The following SYN1 variants were observed in gnomAD, a reference collection of about 807,000 sequenced individuals.
The protein encoded by SYN1 is synapsin I, also known as synapsin-1.
A neutral mutation model predicts 44.6 loss-of-function variants in SYN1; 8 were observed. The observed-to-expected ratio is 0.18, with a 90% CI of 0.11 to 0.32. The LOEUF (loss-of-function observed/expected upper bound fraction) is 0.32. Ranked by LOEUF, SYN1 falls within the 10% of genes least tolerant of loss-of-function variation. The pLI is 1.00. For synonymous variants in SYN1, 275 were observed against 280.1 expected, an observed-to-expected ratio of 0.98 and a Z score of 0.18; for missense variants, 451 against 639.4, an observed-to-expected ratio of 0.71 and a Z score of 3.18.
At chrX:47,599,593 T>C (rs1406055244) in intron 5 of SYN1, among the ~76,000 whole-genome samples, 1 of 112,860 alleles carries the variant, frequency 8.9e-6, no homozygotes, top group Non-Finnish European at 1.9e-5. Context: ...ATTACTATAT[T>C]TTGTAAGTGG....
rs1198865215 is a variant in SYN1 at position 47,572,109 on chromosome X, C to T, written c.*755G>A. 7.8e-6 allele frequency: 1 copy of T among 128,325 alleles called. No individual in the cohort carries two copies. Among genetic ancestry groups the T allele is most frequent in the Non-Finnish European group, 1.6e-5 (1 of 62,896 alleles). 10.6% of individuals were successfully genotyped at this position (128,325 alleles called of 1,213,427 possible). On this transcript the variant is annotated 3_prime_UTR_variant, in exon 13 of 13. Transcript: ENST00000295987. ...GCACAAAAGGAGGCCACGTCAGTCA[C>T]AGACACAGACACCACAGCAAAGGTG... is the stretch of plus-strand genomic sequence containing the variant.
chrX:47,597,203 C>T (rs1409371533), intron 5 of SYN1, among the ~76,000 whole-genome samples: 5 of 109,842 alleles, frequency 4.6e-5, no homozygotes, highest in Admixed American at 1.9e-4. Flanking sequence ...GGCATGGTGG[C>T]GTGTGCCTGT....
intron 12 of SYN1, 115 bp from the exon 13 acceptor site, chrX:47,573,114 G>T: frequency 1.0e-6 from 1 of 999,920 alleles, no homozygotes; most frequent in Non-Finnish European, 1.4e-6. Context: ...CTGATCCTGG[G>T]GCTGTGCCTG....
intron 3 of SYN1, among the ~76,000 whole-genome samples, 194 bp downstream of exon 3, chrX:47,606,751 A>ATATAT (rs1345170011): frequency 2.1e-5 from 2 of 93,244 alleles, no homozygotes; most frequent in African/African-American, 8.0e-5. Flanking sequence ...ATATATATAT[A>ATATAT]TTTTTTTTTA....
At chrX:47,591,762 T>C (rs1420728944) in intron 5 of SYN1, among the ~76,000 whole-genome samples, 2 of 109,329 alleles carry the variant, frequency 1.8e-5, no homozygotes, top group African/African-American at 6.7e-5. Context: ...AGAGGTGGCA[T>C]ACAAGCTCAG....
At chrX:47,608,886 G>GACAC (rs34092010) in intron 1 of SYN1, among the ~76,000 whole-genome samples, 22,064 of 89,171 alleles carry the variant, frequency 0.25, 2,559 homozygotes, top group Non-Finnish European at 0.3. Context: ...GTCTTGGACA[G>GACAC]ACACACACAC....
chrX:47,579,849 G>GCCCCCCCCCCCCCCCCCCCCCCCCC (rs140381513), intron 5 of SYN1, among the ~76,000 whole-genome samples: 20 of 83,129 alleles, frequency 2.4e-4, no homozygotes, highest in Admixed American at 2.8e-4. Context: ...TGTTTTTGTC[G>GCCCCCCCCCCCCCCCCCCCCCCCCC]CCCCCCCACC....
chrX:47,602,901 T>C (rs1252859904), intron 5 of SYN1, among the ~76,000 whole-genome samples: 1 of 111,929 alleles, frequency 8.9e-6, no homozygotes, highest in Non-Finnish European at 1.9e-5. Context: ...AAATTACTTA[T>C]ACAATTTGAT....
intron 3 of SYN1, among the ~76,000 whole-genome samples, 190 bp downstream of exon 3, chrX:47,606,755 T>A (rs974964464): frequency 2.9e-5 from 3 of 103,086 alleles, no homozygotes; most frequent in African/African-American, 1.1e-4. Context: ...ATATATATTT[T>A]TTTTTAAAGT....
At chrX:47,617,195 C>T (rs1005131174) in intron 1 of SYN1, among the ~76,000 whole-genome samples, 2 of 110,940 alleles carry the variant, frequency 1.8e-5, no homozygotes, top group Admixed American at 1.9e-4. Flanking sequence ...AAAGGCTACT[C>T]GGTAAAGGCT....
chrX:47,598,708 T>A (rs1052458639), intron 5 of SYN1, among the ~76,000 whole-genome samples: 1 of 111,458 alleles, frequency 9.0e-6, no homozygotes, highest in Non-Finnish European at 1.9e-5. Flanking sequence ...GCACCTGTAG[T>A]CCCAGCTACT....
In SYN1 at chrX:47,583,327, G is replaced by A. The variant is rs896938748; in HGVS notation, c.775-5826C>T. On this transcript the variant is annotated intron_variant, in intron 5 of 12. Transcript: ENST00000295987. The stretch of plus-strand genomic sequence containing the variant: ...CCTAATCCCCCCCATAGGCTGCCCC[G>A]GGGCAAGATGGGGTGGATGACCTGC... 1.3e-5 allele frequency: 13 copies of A among 965,319 alleles called. No individual in the cohort carries two copies. The Admixed American group carries it at 1.8e-4, about 13-fold the overall frequency. The allele number at this position is 965,319 out of a possible 1,213,427, so 79.6% of individuals were successfully genotyped here. A position where few individuals can be genotyped will look rare whatever the true frequency, so the allele number is the denominator to read the frequency against.
chrX:47,585,707 C>T, intron 5 of SYN1: 1 of 1,204,445 alleles, frequency 8.3e-7, no homozygotes, highest in Non-Finnish European at 1.1e-6. Flanking sequence ...GAGATCCTTC[C>T]CGGGGCCATT....
At chrX:47,584,375 G>C (rs2057813905) in intron 5 of SYN1, among the ~76,000 whole-genome samples, 1 of 109,948 alleles carries the variant, frequency 9.1e-6, no homozygotes, top group Admixed American at 9.8e-5. Flanking sequence ...GAATATAGGG[G>C]TTCTTGCTAA....
At chrX:47,575,008 C>A in intron 10 of SYN1, 120 bp downstream of exon 10, 1 of 1,006,263 alleles carries the variant, frequency 9.9e-7, no homozygotes. Flanking sequence ...GCAATCGCAG[C>A]CACATGTGTG....
chrX:47,582,588 C>T (rs764193667), intron 5 of SYN1: 5 of 364,502 alleles, frequency 1.4e-5, no homozygotes, highest in East Asian at 8.1e-5. Flanking sequence ...GCTTGGCCTG[C>T]GGGTACCAGG....
At chrX:47,593,495 C>G (rs1296014939) in intron 5 of SYN1, among the ~76,000 whole-genome samples, 2 of 111,341 alleles carry the variant, frequency 1.8e-5, no homozygotes, top group African/African-American at 6.5e-5. Context: ...TCTCGAACTC[C>G]TGATCTCAAG....
intron 5 of SYN1, among the ~76,000 whole-genome samples, chrX:47,592,098 G>C (rs2057849793): frequency 9.0e-6 from 1 of 111,689 alleles, no homozygotes; most frequent in African/African-American, 3.3e-5. Context: ...CCAGAGTTTT[G>C]GGGAGGCCAA....
At chrX:47,610,692 G>A (rs147333615) in intron 1 of SYN1, among the ~76,000 whole-genome samples, 227 of 110,413 alleles carry the variant, frequency 2.1e-3, no homozygotes, top group African/African-American at 7.2e-3. Flanking sequence ...CCCAGGATAC[G>A]GAACTTAAAA....
Sources: allele counts gnomAD v4.1 joint callset (sites outside exome capture counted in the v4.1 genomes callset), GRCh38; gene constraint gnomAD v4.1.1; transcripts MANE v1.5; gene names NCBI Gene and HGNC (gene_info 2026-07-23, HGNC 2026-07-21).